Variants in TANC1 observed in about 807,000 individuals in gnomAD.
The protein encoded by TANC1 is protein TANC1.
In TANC1, 77 loss-of-function variants were observed where a neutral mutation model predicts 149.7. The observed-to-expected ratio is 0.51, with a 90% CI of 0.43 to 0.62. The LOEUF is 0.62. TANC1 is among the 20% of genes least tolerant of loss of function. TANC1 has a pLI of 0.00. For missense variants in TANC1, 1,985 were observed against 2,321.8 expected (o/e 0.85, Z 2.98); for synonymous variants, 854 against 925.0 (o/e 0.92, Z 1.39).
intron 5 of TANC1, among the ~76,000 whole-genome samples, chr2:159,140,405 G>T (rs551767216): frequency 1.3e-5 from 2 of 152,264 alleles, no homozygotes; most frequent in South Asian, 4.1e-4. Context: ...GTATAGAAAA[G>T]GGGCATACCT....
chr2:159,162,777 A>G (rs1205344066), intron 7 of TANC1, among the ~76,000 whole-genome samples: 3 of 152,088 alleles, frequency 2.0e-5, no homozygotes, highest in Non-Finnish European at 4.4e-5. Flanking sequence ...TAAGGGTCAA[A>G]TTCTCTGTTT....
At chr2:159,135,269 C>T (rs941570126) in intron 4 of TANC1, among the ~76,000 whole-genome samples, 1 of 152,228 alleles carries the variant, frequency 6.6e-6, no homozygotes, top group East Asian at 1.9e-4. Context: ...TAGCATGAAT[C>T]GATACTTCAT....
intron 2 of TANC1, among the ~76,000 whole-genome samples, chr2:159,049,225 G>T (rs1386795506): frequency 6.6e-6 from 1 of 152,114 alleles, no homozygotes. Context: ...TTATAAAATT[G>T]TCCTGTAAAT....
At chr2:159,023,886 T>A (rs576639515) in intron 2 of TANC1, among the ~76,000 whole-genome samples, 52 of 151,750 alleles carry the variant, frequency 3.4e-4, no homozygotes, top group Non-Finnish European at 6.6e-4. Flanking sequence ...GAGAATCACT[T>A]GAACCCAGGA....
chr2:159,094,731 A>G (rs1437737342), intron 3 of TANC1, among the ~76,000 whole-genome samples: 2 of 134,736 alleles, frequency 1.5e-5, no homozygotes, highest in Non-Finnish European at 3.0e-5. Flanking sequence ...GGTATCTTAC[A>G]GTGCTAGCTA....
At chr2:159,212,554 T>C (rs1418012615) in intron 19 of TANC1, among the ~76,000 whole-genome samples, 1 of 152,164 alleles carries the variant, frequency 6.6e-6, no homozygotes, top group Non-Finnish European at 1.5e-5. Context: ...TAGGTATATC[T>C]TGTGTTGTAT....
intron 4 of TANC1, among the ~76,000 whole-genome samples, chr2:159,119,157 C>T (rs1377841772): frequency 6.6e-6 from 1 of 152,100 alleles, no homozygotes; most frequent in Non-Finnish European, 1.5e-5. Flanking sequence ...TTCTTCTTTG[C>T]CCCCAAATGT....
intron 3 of TANC1, among the ~76,000 whole-genome samples, chr2:159,096,293 A>ATTTTTTTTTTTTTTTTT: frequency 7.6e-6 from 1 of 130,746 alleles, no homozygotes; most frequent in Non-Finnish European, 1.6e-5. Flanking sequence ...GACTGGCTGT[A>ATTTTTTTTTTTTTTTTT]TTTTTTTTTT....
chr2:159,128,614 C>G (rs1246951921), intron 4 of TANC1, among the ~76,000 whole-genome samples: 1 of 152,164 alleles, frequency 6.6e-6, no homozygotes, highest in Non-Finnish European at 1.5e-5. Flanking sequence ...CTTCTGTCCC[C>G]CGAGCCGTGC....
chr2:159,003,974 A>C, intron 2 of TANC1: 1 of 1,612,532 alleles, frequency 6.2e-7, no homozygotes, highest in African/African-American at 1.3e-5. Flanking sequence ...GAGTTCTCTA[A>C]AAAAAACTGG....
At chr2:159,220,479 T>C (rs544476700) in intron 22 of TANC1, among the ~76,000 whole-genome samples, 1 of 152,008 alleles carries the variant, frequency 6.6e-6, no homozygotes, top group Non-Finnish European at 1.5e-5. Flanking sequence ...AATTTTTGTA[T>C]TTTTAGTAGA....
chr2:159,024,112 G>GT (rs773322850), intron 2 of TANC1, among the ~76,000 whole-genome samples: 1 of 152,046 alleles, frequency 6.6e-6, no homozygotes, highest in Non-Finnish European at 1.5e-5. Flanking sequence ...GGTTGGAGCA[G>GT]TTTATTTATT....
intron 3 of TANC1, among the ~76,000 whole-genome samples, chr2:159,088,155 C>T (rs1037993026): frequency 6.6e-6 from 1 of 151,902 alleles, no homozygotes; most frequent in Non-Finnish European, 1.5e-5. Context: ...TACAGCAGCC[C>T]CAGGAAACTA....
At chr2:159,000,739 G>A (rs1292774784) in intron 1 of TANC1, among the ~76,000 whole-genome samples, 1 of 152,032 alleles carries the variant, frequency 6.6e-6, no homozygotes, top group African/African-American at 2.4e-5. Flanking sequence ...GAGCCGGAAG[G>A]ATAGGAGGCT....
rs889756512 is a variant in TANC1, at chr2:159,063,645, A to G, written c.-15-2251A>G. ...TTTTTAAGAATATAAAATTTAAGCTATTTACCTCGAGTTGCTATTTATGGA... is the reference window on the plus strand; with the variant it reads ...TTTTTAAGAATATAAAATTTAAGCTGTTTACCTCGAGTTGCTATTTATGGA... On this transcript the variant is annotated intron_variant, in intron 2 of 26. Coordinates refer to ENST00000263635, the MANE Select transcript of TANC1 (RefSeq NM_033394.3). 2.0e-5 allele frequency among the ~76,000 whole-genome samples: 3 copies of G among 152,212 alleles called. No individual in the cohort carries two copies. In the East Asian group the frequency reaches 5.8e-4, roughly 29 times the overall value.
At chr2:159,122,856 G>A (rs2049001935) in intron 4 of TANC1, among the ~76,000 whole-genome samples, 1 of 147,782 alleles carries the variant, frequency 6.8e-6, no homozygotes, top group Non-Finnish European at 1.5e-5. Flanking sequence ...CAGTTACTTT[G>A]CATCTTCACC....
chr2:159,018,274 G>A (rs1038775893), intron 2 of TANC1, among the ~76,000 whole-genome samples: 3 of 152,118 alleles, frequency 2.0e-5, no homozygotes, highest in South Asian at 4.2e-4. Flanking sequence ...CTTCCAGATC[G>A]AAAAGGAAGC....
intron 4 of TANC1, among the ~76,000 whole-genome samples, chr2:159,128,108 GT>G (rs915858372): frequency 6.6e-6 from 1 of 152,112 alleles, no homozygotes; most frequent in African/African-American, 2.4e-5. Flanking sequence ...TTTGTCTTCT[GT>G]TTTTTTCTTC....
chr2:159,228,612 C>T (rs1056601762), intron 25 of TANC1, 184 bp from the exon 26 acceptor site: 9 of 581,506 alleles, frequency 1.5e-5, no homozygotes, highest in African/African-American at 1.5e-4. Context: ...GATTCTTCTC[C>T]TAATGATATT....
Sources: allele counts gnomAD v4.1 joint callset (sites outside exome capture counted in the v4.1 genomes callset), GRCh38; gene constraint gnomAD v4.1.1; transcripts MANE v1.5; gene names NCBI Gene and HGNC (gene_info 2026-07-23, HGNC 2026-07-21).